The following EPHA6 variants were observed in gnomAD, a reference collection of about 807,000 sequenced individuals.
The protein encoded by EPHA6 is EPH receptor A6, also known as ephrin type-A receptor 6.
EPHA6 carries 50 observed loss-of-function variants against 112.0 expected under a neutral mutation model. That is an observed-to-expected ratio of 0.45 (90% CI 0.36 to 0.56). The LOEUF (loss-of-function observed/expected upper bound fraction) is 0.56. Among genes scored for constraint, EPHA6 ranks in the 20% least tolerant of loss-of-function variants. The pLI is 0.00. For missense variants in EPHA6, 1,280 were observed against 1,417.4 expected, an observed-to-expected ratio of 0.90 and a Z score of 1.56; for synonymous variants, 529 against 490.7, an observed-to-expected ratio of 1.08 and a Z score of -1.03.
chr3:96,819,132 A>G (rs953082449), intron 1 of EPHA6, among the ~76,000 whole-genome samples: 33 of 152,120 alleles, frequency 2.2e-4, no homozygotes, highest in African/African-American at 7.9e-4. Flanking sequence ...TCTTCTTCAA[A>G]CAAAAAATAA....
intron 10 of EPHA6, among the ~76,000 whole-genome samples, chr3:97,496,506 G>A (rs936099897): frequency 3.9e-5 from 6 of 152,116 alleles, no homozygotes; most frequent in Non-Finnish European, 8.8e-5. Flanking sequence ...GTAATCTTAT[G>A]TTATAGCTCA....
At chr3:96,940,198 T>G (rs2040855111) in intron 2 of EPHA6, among the ~76,000 whole-genome samples, 1 of 152,140 alleles carries the variant, frequency 6.6e-6, no homozygotes, top group South Asian at 2.1e-4. Context: ...GTTGACAGTG[T>G]GGTGTTAAAG....
intron 10 of EPHA6, among the ~76,000 whole-genome samples, chr3:97,518,721 T>C (rs1331529448): frequency 6.6e-6 from 1 of 152,166 alleles, no homozygotes; most frequent in Non-Finnish European, 1.5e-5. Flanking sequence ...ATTTGCATTT[T>C]CCTGATAATT....
At chr3:97,608,895 C>A (rs1323724435) in intron 12 of EPHA6, among the ~76,000 whole-genome samples, 1 of 151,276 alleles carries the variant, frequency 6.6e-6, no homozygotes, top group East Asian at 1.9e-4. Context: ...ATCTCAAACT[C>A]TGAGACAGAC....
chr3:97,631,410 C>G (rs990153653), intron 13 of EPHA6, among the ~76,000 whole-genome samples: 9 of 151,910 alleles, frequency 5.9e-5, no homozygotes, highest in Non-Finnish European at 1.2e-4. Flanking sequence ...GGTAAATGTC[C>G]TGTGTAGCCA....
chr3:97,748,903 A>G lies in EPHA6; in HGVS notation c.*202A>G, dbSNP rs2035823150. The G allele has an allele frequency of 9.2e-6, 5 of 542,118 alleles. No individual in the cohort carries two copies. Among genetic ancestry groups the G allele is most frequent in the Middle Eastern group, 9.7e-4 (2 of 2,056 alleles). The allele number at this position is 542,118 out of a possible 1,614,324, so 33.6% of individuals were successfully genotyped here. A position where few individuals can be genotyped will look rare whatever the true frequency, so the allele number is the denominator to read the frequency against. On this transcript the variant is annotated 3_prime_UTR_variant, in exon 18 of 18. Transcript: ENST00000389672. ...ATAAATCCGTTCTGAATAACCTGCAACTAAAACCCTGGCCCACTGCAGATT... is the reference window on the plus strand; with the variant it reads ...ATAAATCCGTTCTGAATAACCTGCAGCTAAAACCCTGGCCCACTGCAGATT...
At chr3:97,029,219 G>T (rs1026566551) in intron 3 of EPHA6, among the ~76,000 whole-genome samples, 2 of 151,456 alleles carry the variant, frequency 1.3e-5, no homozygotes, top group Non-Finnish European at 3.0e-5. Flanking sequence ...GAGTAATTTG[G>T]TAAAAATTAT....
intron 11 of EPHA6, among the ~76,000 whole-genome samples, chr3:97,587,936 G>A (rs1369462964): frequency 1.3e-5 from 2 of 151,940 alleles, no homozygotes; most frequent in African/African-American, 2.4e-5. Flanking sequence ...TCTTACTTTG[G>A]CATTTTTCTC....
At position 97,419,351 on chromosome 3, in the gene EPHA6, C is replaced by T. The variant is rs181444643; in HGVS notation, c.1731+14077C>T. ...CAAACAAAACAGAAGGGGTCAGGCACGGTGGCTTACGTCTGTAATCCCAGC... is the reference window on the plus strand; with the variant it reads ...CAAACAAAACAGAAGGGGTCAGGCATGGTGGCTTACGTCTGTAATCCCAGC... On this transcript the variant is annotated intron_variant, in intron 6 of 17. Coordinates refer to ENST00000389672, the MANE Select transcript of EPHA6 (RefSeq NM_001080448.3). Among the ~76,000 whole-genome samples, 204 of 152,056 alleles carry T rather than the reference C, an allele frequency of 1.3e-3. 1 individual carries two copies. The highest frequency in any genetic ancestry group is 4.8e-3 in the South Asian group (23 of 4,816).
At position 97,610,784 on chromosome 3, in the gene EPHA6, C is replaced by T. The variant is rs747562645; in HGVS notation, c.2513-9C>T. The T allele has an allele frequency of 4.3e-6, 7 of 1,610,152 alleles. No homozygotes were observed. Among genetic ancestry groups the T allele is most frequent in the Non-Finnish European group, 5.1e-6 (6 of 1,177,468 alleles). On this transcript the variant is annotated splice_polypyrimidine_tract_variant and intron_variant, in intron 12 of 17. Coordinates refer to ENST00000389672, the MANE Select transcript of EPHA6 (RefSeq NM_001080448.3). ...TCTAATCCATGTGTATTCTCTTGCT[C>T]TTTTGCAGGCAGACCAGTAATGATT...
At chr3:97,528,783 T>C (rs557498735) in intron 10 of EPHA6, among the ~76,000 whole-genome samples, 1 of 152,200 alleles carries the variant, frequency 6.6e-6, no homozygotes, top group Admixed American at 6.5e-5. Flanking sequence ...GATACTTTAA[T>C]ATGACCCTGT....
At chr3:97,590,834 A>G (rs1162272114) in intron 11 of EPHA6, among the ~76,000 whole-genome samples, 1 of 152,170 alleles carries the variant, frequency 6.6e-6, no homozygotes, top group African/African-American at 2.4e-5. Flanking sequence ...TGATCACCCC[A>G]CTTGGTATTC....
At chr3:97,580,443 T>C (rs2093426778) in intron 11 of EPHA6, among the ~76,000 whole-genome samples, 1 of 152,216 alleles carries the variant, frequency 6.6e-6, no homozygotes, top group African/African-American at 2.4e-5. Flanking sequence ...AGGAGGGGCA[T>C]TTTCAACAGT....
intron 13 of EPHA6, among the ~76,000 whole-genome samples, chr3:97,625,724 C>A (rs2093850655): frequency 6.6e-6 from 1 of 151,398 alleles, no homozygotes; most frequent in Non-Finnish European, 1.5e-5. Context: ...ATTGTTGTAT[C>A]TTAAAATCAA....
chr3:97,258,432 C>T (rs2079389901), intron 5 of EPHA6, among the ~76,000 whole-genome samples: 1 of 152,076 alleles, frequency 6.6e-6, no homozygotes, highest in Admixed American at 6.5e-5. Flanking sequence ...ATTCACCATC[C>T]TGGAACAGAC....
chr3:97,134,088 A>G (rs1054546265), intron 3 of EPHA6, among the ~76,000 whole-genome samples: 13 of 152,036 alleles, frequency 8.6e-5, no homozygotes, highest in African/African-American at 2.7e-4. Flanking sequence ...ATATGACTAT[A>G]GAGTCAGAGG....
intron 3 of EPHA6, among the ~76,000 whole-genome samples, chr3:97,054,959 C>T (rs1024945366): frequency 1.3e-5 from 2 of 151,962 alleles, no homozygotes; most frequent in Non-Finnish European, 2.9e-5. Flanking sequence ...TTAAAAATTT[C>T]CCCCCTTTGG....
chr3:97,478,772 T>C (rs1407070096), intron 8 of EPHA6, among the ~76,000 whole-genome samples: 1 of 152,086 alleles, frequency 6.6e-6, no homozygotes, highest in Non-Finnish European at 1.5e-5. Context: ...CCATTAGAAA[T>C]TTGATAAACC....
intron 14 of EPHA6, among the ~76,000 whole-genome samples, chr3:97,649,255 AG>A (rs2094090236): frequency 6.6e-6 from 1 of 152,068 alleles, no homozygotes; most frequent in African/African-American, 2.4e-5. Context: ...GAGCATTTGC[AG>A]GGGAACTCCC....
Sources: allele counts gnomAD v4.1 joint callset (sites outside exome capture counted in the v4.1 genomes callset), GRCh38; gene constraint gnomAD v4.1.1; transcripts MANE v1.5; gene names NCBI Gene and HGNC (gene_info 2026-07-23, HGNC 2026-07-21).